The following MORN2 variants were observed in gnomAD, a reference collection of about 807,000 sequenced individuals.
The protein encoded by MORN2 is MORN repeat containing 2, also known as MORN repeat-containing protein 2.
Under a neutral mutation model 13.4 loss-of-function variants are expected in MORN2, and 15 were observed. That is an observed-to-expected ratio of 1.12 (90% CI 0.75 to 1.72). MORN2 has a LOEUF of 1.72. MORN2 is among the 40% of genes most tolerant of loss of function. The probability of loss-of-function intolerance (pLI) is 0.00; values close to 1 mark genes in which losing one functional copy is unlikely to be tolerated. For missense variants in MORN2, 168 were observed against 134.6 expected (o/e 1.25, Z -1.23); for synonymous variants, 46 against 43.6 (o/e 1.06, Z -0.22).
chr2:38,880,529 A>G, intron 2 of MORN2, 71 bp from the exon 3 acceptor site: 1 of 915,724 alleles, frequency 1.1e-6, no homozygotes, highest in African/African-American at 1.7e-5. Context: ...GAAACCCATG[A>G]GGTGTAGTTG....
rs1351229818 is a variant in MORN2, at chr2:38,881,389, T to G, written c.217-53T>G. On this transcript the variant is annotated intron_variant, in intron 3 of 4. Transcript: ENST00000644631. ...CTTATATTTGTACATTTTTTAAAGG[T>G]TCTTGGGAAACTGAAGATTAGTTTC... 2.7e-6 allele frequency: 4 copies of G among 1,478,860 alleles called. No individual in the cohort carries two copies. In the East Asian group the frequency reaches 7.7e-5, roughly 29 times the overall value. 91.6% of individuals were successfully genotyped at this position (1,478,860 alleles called of 1,614,324 possible). A position where few individuals can be genotyped will look rare whatever the true frequency, so the allele number is the denominator to read the frequency against.
chr2:38,882,321 C>A, intron 4 of MORN2, 92 bp from the exon 5 acceptor site: 5 of 418,488 alleles, frequency 1.2e-5, no homozygotes, highest in African/African-American at 2.2e-5. Context: ...ATATAATCTT[C>A]AGACATAGTA....
chr2:38,879,005 A>G (rs1245234507), intron 1 of MORN2, among the ~76,000 whole-genome samples: 3 of 152,198 alleles, frequency 2.0e-5, no homozygotes, highest in Admixed American at 6.6e-5. Context: ...ATCGGAAAAT[A>G]CAGTTTCTAG....
At chr2:38,876,274 A>T (rs949331105) in intron 1 of MORN2, 164 bp downstream of exon 1, 2 of 395,564 alleles carry the variant, frequency 5.1e-6, no homozygotes, top group African/African-American at 4.1e-5. Flanking sequence ...CTGGGAATCT[A>T]GCTCTGATTC....
At chr2:38,877,563 T>C (rs1483281970) in intron 1 of MORN2, among the ~76,000 whole-genome samples, 1 of 152,100 alleles carries the variant, frequency 6.6e-6, no homozygotes, top group Non-Finnish European at 1.5e-5. Flanking sequence ...ATCAGAATTC[T>C]AGCAAGATTG....
rs138938667 is a variant in MORN2, at chr2:38,876,346, C to T, written c.58+236C>T. ...GCCAACCTCCCTGGGCCTCAGTTTCCGCTATGGTGCCGGGTGGTCTCTGTG... is the reference window on the plus strand; with the variant it reads ...GCCAACCTCCCTGGGCCTCAGTTTCTGCTATGGTGCCGGGTGGTCTCTGTG... On this transcript the variant is annotated intron_variant, in intron 1 of 4. Transcript: ENST00000644631. 4.1e-4 allele frequency: 159 copies of T among 386,394 alleles called. 2 individuals are homozygous for T. In the East Asian group the frequency reaches 5.2e-3, roughly 13 times the overall value. The allele number at this position is 386,394 out of a possible 1,614,324, so 23.9% of individuals were successfully genotyped here.
chr2:38,879,124 G>T (rs1404688416), intron 1 of MORN2, among the ~76,000 whole-genome samples: 1 of 151,970 alleles, frequency 6.6e-6, no homozygotes, highest in Non-Finnish European at 1.5e-5. Flanking sequence ...ATTCTGTGTG[G>T]ACCTACCAGC....
At chr2:38,878,260 C>G (rs1003436143) in intron 1 of MORN2, among the ~76,000 whole-genome samples, 4 of 152,024 alleles carry the variant, frequency 2.6e-5, no homozygotes, top group African/African-American at 9.7e-5. Flanking sequence ...TGTAGGTAAT[C>G]TGGTTTTTGT....
chr2:38,881,694 A>G (rs1436841177), intron 4 of MORN2, 116 bp downstream of exon 4: 2 of 852,436 alleles, frequency 2.3e-6, no homozygotes, highest in Non-Finnish European at 1.7e-6. Flanking sequence ...TCTGTCATCC[A>G]GGCAGGAGTG....
At chr2:38,876,337 C>T in intron 1 of MORN2, 1 of 387,846 alleles carries the variant, frequency 2.6e-6, no homozygotes, top group Non-Finnish European at 4.6e-6. Context: ...CTCCCTGGGC[C>T]TCAGTTTCCG....
intron 1 of MORN2, among the ~76,000 whole-genome samples, chr2:38,879,531 A>G (rs777124950): frequency 2.0e-5 from 3 of 152,220 alleles, no homozygotes; most frequent in African/African-American, 4.8e-5. Context: ...CGAGCCAGAC[A>G]TAAAGGACCA....
In MORN2 at chr2:38,880,623, T is replaced by C; in HGVS notation, c.133T>C (p.Ser45Pro). 1 of 1,542,452 alleles carries C rather than the reference T, an allele frequency of 6.5e-7. No individual in the cohort carries two copies. Among genetic ancestry groups the C allele is most frequent in the Non-Finnish European group, 8.7e-7 (1 of 1,143,582 alleles). Residue 45 changes from serine (S) to proline (P), a missense_variant, in exon 3 of 5, where the codon TCT becomes CCT. Transcript: ENST00000644631. ...AGATGGTGACTGTACAAGAACATCT[T>C]CTGGAATCTACGAGAGAAATGGAAT...
At chr2:38,882,286 TA>T (rs1665792854) in intron 4 of MORN2, 126 bp from the exon 5 acceptor site, 1 of 396,746 alleles carries the variant, frequency 2.5e-6, no homozygotes, top group South Asian at 1.1e-4. Context: ...ATGCTGGGTT[TA>T]AAAGCAAAGC....
chr2:38,881,457 A>G lies in MORN2; in HGVS notation c.232A>G (p.Arg78Gly). 6.5e-7 allele frequency: 1 copy of G among 1,536,386 alleles called. No individual in the cohort carries two copies. The highest frequency in any genetic ancestry group is 8.8e-7 in the Non-Finnish European group (1 of 1,142,634). Residue 78 changes from arginine (R) to glycine (G), a missense_variant, in exon 4 of 5, where the codon AGA (arginine) becomes GGA (glycine). Coordinates refer to ENST00000644631, the MANE Select transcript of MORN2 (RefSeq NM_001145450.3). ...TTACAAACAGATGAATGGTTTTGGA[A>G]GACTTGAGCATTTTTCAGGAGCAGT...
chr2:38,880,832 T>A, intron 3 of MORN2, 126 bp downstream of exon 3: 1 of 1,036,340 alleles, frequency 9.6e-7, no homozygotes, highest in Non-Finnish European at 1.3e-6. Context: ...TAACAAATGA[T>A]CATATTAACA....
chr2:38,881,489 A>C lies in MORN2; in HGVS notation c.264A>C (p.Glu88Asp), dbSNP rs1391825268. Residue 88 changes from glutamate (E) to aspartate (D), a missense_variant, in exon 4 of 5, where the codon GAA becomes GAC. Glu to Asp is a conservative substitution (Grantham distance 45, BLOSUM62 2). Transcript: ENST00000644631. The stretch of plus-strand genomic sequence containing the variant: ...AGCATTTTTCAGGAGCAGTATATGA[A>C]GGACAATTTAAGGATAATATGTTTC... The C allele has an allele frequency of 6.5e-7, 1 of 1,546,180 alleles. No individual in the cohort carries two copies. Among genetic ancestry groups the C allele is most frequent in the African/African-American group, 1.4e-5 (1 of 72,794 alleles).
chr2:38,882,695 A>G lies in MORN2; in HGVS notation c.*180A>G. On this transcript the variant is annotated 3_prime_UTR_variant, in exon 5 of 5. Coordinates refer to ENST00000644631, the MANE Select transcript of MORN2 (RefSeq NM_001145450.3). ...ATTGTCTTACAATTAGTTTAAAATA[A>G]ATGACATGATTCAATTCAGTCTGCT... 2.3e-6 allele frequency: 1 copy of G among 435,230 alleles called. No homozygotes were observed. Among genetic ancestry groups the G allele is most frequent in the Non-Finnish European group, 4.1e-6 (1 of 242,012 alleles). 27.0% of individuals were successfully genotyped at this position (435,230 alleles called of 1,614,324 possible).
At chr2:38,876,777 A>G (rs549765505) in intron 1 of MORN2, among the ~76,000 whole-genome samples, 1 of 152,340 alleles carries the variant, frequency 6.6e-6, no homozygotes, top group Admixed American at 6.5e-5. Context: ...TGGGGCTACA[A>G]GAATACAATA....
At chr2:38,881,647 C>G in intron 4 of MORN2, 69 bp downstream of exon 4, 1 of 1,176,888 alleles carries the variant, frequency 8.5e-7, no homozygotes, top group Non-Finnish European at 1.2e-6. Context: ...TGCTTAAATA[C>G]TTATTTATTT....
Sources: allele counts gnomAD v4.1 joint callset (sites outside exome capture counted in the v4.1 genomes callset), GRCh38; gene constraint gnomAD v4.1.1; transcripts MANE v1.5; gene names NCBI Gene and HGNC (gene_info 2026-07-23, HGNC 2026-07-21).